Variants in XRCC4 observed in about 807,000 individuals in gnomAD.
XRCC4 encodes the protein X-ray repair cross complementing 4, also known as DNA repair protein XRCC4.
A neutral mutation model predicts 39.1 loss-of-function variants in XRCC4; 28 were observed. The ratio of observed to expected loss-of-function variants is 0.72; its 90% CI spans 0.53 to 0.98. The LOEUF (loss-of-function observed/expected upper bound fraction) is 0.98. XRCC4 is among the 50% of genes least tolerant of loss of function. The pLI is 0.00. For synonymous variants in XRCC4, 123 were observed against 126.4 expected, an observed-to-expected ratio of 0.97 and a Z score of 0.18; for missense variants, 350 against 376.4, an observed-to-expected ratio of 0.93 and a Z score of 0.58.
chr5:83,195,657 AT>A (rs1333483898), intron 3 of XRCC4, 112 bp from the exon 4 acceptor site: 10 of 1,061,974 alleles, frequency 9.4e-6, no homozygotes, highest in Non-Finnish European at 1.3e-5. Context: ...AATGCATTGT[AT>A]TTAAATCCTT....
intron 6 of XRCC4, among the ~76,000 whole-genome samples, chr5:83,220,965 C>T (rs990752416): frequency 2.6e-5 from 4 of 152,106 alleles, no homozygotes; most frequent in African/African-American, 7.2e-5. Flanking sequence ...TGCATTTAAA[C>T]AGGGCATTGG....
intron 7 of XRCC4, among the ~76,000 whole-genome samples, chr5:83,300,563 T>TGTGTGC (rs1426133985): frequency 3.7e-5 from 4 of 106,874 alleles, no homozygotes; most frequent in African/African-American, 1.2e-4. Flanking sequence ...TGTGTGTGTG[T>TGTGTGC]GTGTGTGTGT....
intron 7 of XRCC4, among the ~76,000 whole-genome samples, chr5:83,282,008 C>T (rs952305012): frequency 2.6e-5 from 4 of 152,124 alleles, no homozygotes; most frequent in Non-Finnish European, 5.9e-5. Context: ...ATTGGTGCTT[C>T]AAGGAGGGCA....
chr5:83,242,162 T>TTGTGTGTGTGTG lies in XRCC4; in HGVS notation c.746-16342_746-16331dup, dbSNP rs60919474. ...TGCCCAAGGGTCACTCGTATACACA[T>TTGTGTGTGTGTG]TGTGTGTGTGTGTGTGTGTGTGTGT... is the stretch of plus-strand genomic sequence containing the variant. On this transcript the variant is annotated intron_variant, in intron 6 of 7. Coordinates refer to ENST00000396027, the MANE Select transcript of XRCC4 (RefSeq NM_003401.5). Among the ~76,000 whole-genome samples the TTGTGTGTGTGTG allele has an allele frequency of 2.2e-3, 313 of 145,366 alleles. 2 individuals are homozygous for TTGTGTGTGTGTG. The highest frequency in any genetic ancestry group is 8.1e-3 in the East Asian group (39 of 4,826).
chr5:83,180,794 T>C (rs908528017), intron 3 of XRCC4, among the ~76,000 whole-genome samples: 2 of 152,194 alleles, frequency 1.3e-5, no homozygotes, highest in African/African-American at 2.4e-5. Flanking sequence ...TACCAGACTA[T>C]GAAAGAATAC....
chr5:83,169,722 G>T (rs1749638781), intron 3 of XRCC4, among the ~76,000 whole-genome samples: 1 of 151,894 alleles, frequency 6.6e-6, no homozygotes, highest in Non-Finnish European at 1.5e-5. Context: ...GTTCTTTTTG[G>T]CTTGAGATCC....
chr5:83,262,838 C>CTTTTTTTTTTTTTTTTTTTT (rs72274529), intron 7 of XRCC4, among the ~76,000 whole-genome samples: 1 of 119,488 alleles, frequency 8.4e-6, no homozygotes, highest in Non-Finnish European at 1.7e-5. Flanking sequence ...TTATCACAGT[C>CTTTTTTTTTTTTTTTTTTTT]TTTTTTTTTT....
chr5:83,302,906 A>G (rs1276140096), intron 7 of XRCC4, among the ~76,000 whole-genome samples: 1 of 152,170 alleles, frequency 6.6e-6, no homozygotes, highest in East Asian at 1.9e-4. Context: ...AGAGTCACAA[A>G]TAATAAATAG....
chr5:83,127,363 G>A (rs1036766464), intron 3 of XRCC4, among the ~76,000 whole-genome samples: 5 of 151,924 alleles, frequency 3.3e-5, no homozygotes, highest in African/African-American at 1.2e-4. Flanking sequence ...TGAATTATGG[G>A]GGCAGTTTCC....
At chr5:83,079,487 A>G (rs1278153318) in intron 1 of XRCC4, among the ~76,000 whole-genome samples, 1 of 152,140 alleles carries the variant, frequency 6.6e-6, no homozygotes, top group East Asian at 1.9e-4. Flanking sequence ...TTTCCTTACT[A>G]GAAATAAAAT....
chr5:83,367,772 T>C, the XRCC4 span, among the ~76,000 whole-genome samples: 96 of 151,532 alleles, frequency 6.3e-4, no homozygotes, highest in Non-Finnish European at 1.1e-3. Context: ...TTTTTTTTTT[T>C]AGTTGAGATG....
the XRCC4 span, among the ~76,000 whole-genome samples, chr5:83,359,277 G>A: frequency 1.3e-5 from 2 of 152,062 alleles, no homozygotes; most frequent in Non-Finnish European, 2.9e-5. Context: ...GGGCTCAGAG[G>A]AGTTTGAAGT....
chr5:83,173,325 C>T (rs899627097), intron 3 of XRCC4, among the ~76,000 whole-genome samples: 5 of 152,112 alleles, frequency 3.3e-5, no homozygotes, highest in African/African-American at 1.2e-4. Context: ...TGTTCATCTA[C>T]TCTGAGATTG....
At chr5:83,238,330 T>A (rs1156283156) in intron 6 of XRCC4, among the ~76,000 whole-genome samples, 1 of 152,226 alleles carries the variant, frequency 6.6e-6, no homozygotes, top group African/African-American at 2.4e-5. Flanking sequence ...GAAAATGAGA[T>A]CTTGCCTCCT....
At chr5:83,263,429 C>T (rs577371178) in intron 7 of XRCC4, among the ~76,000 whole-genome samples, 6 of 151,202 alleles carry the variant, frequency 4.0e-5, no homozygotes, top group Non-Finnish European at 8.9e-5. Context: ...CACTGACTTC[C>T]ACAATGGTTG....
At chr5:83,113,373 G>A (rs1746541191) in intron 3 of XRCC4, among the ~76,000 whole-genome samples, 1 of 152,180 alleles carries the variant, frequency 6.6e-6, no homozygotes, top group Non-Finnish European at 1.5e-5. Flanking sequence ...CTTCCTGGCT[G>A]CTTTCATGGG....
chr5:83,086,179 A>G (rs1745171313), intron 1 of XRCC4, among the ~76,000 whole-genome samples: 1 of 152,220 alleles, frequency 6.6e-6, no homozygotes. Flanking sequence ...CTTAGAAGAA[A>G]TGAATGATTT....
chr5:83,199,345 A>C (rs926354343), intron 4 of XRCC4, among the ~76,000 whole-genome samples: 2 of 152,110 alleles, frequency 1.3e-5, no homozygotes, highest in Non-Finnish European at 2.9e-5. Context: ...GTCAGAAAGG[A>C]TGAGGAACAG....
intron 3 of XRCC4, among the ~76,000 whole-genome samples, chr5:83,142,861 T>C (rs1032380555): frequency 2.0e-5 from 3 of 152,202 alleles, no homozygotes; most frequent in Non-Finnish European, 4.4e-5. Context: ...TGCTAAACAT[T>C]AAACATTACT....
Sources: gnomAD v4.1 joint callset for allele counts (sites outside exome capture counted in the v4.1 genomes callset) on GRCh38, gnomAD v4.1.1 for gene constraint, MANE v1.5 for transcripts, NCBI Gene and HGNC (gene_info 2026-07-23, HGNC 2026-07-21) for gene names.